ZNF141: variants seen among roughly 807,000 people sequenced by gnomAD.
ZNF141 encodes zinc finger protein 141, also known as zinc finger protein 141 (clone pHZ-44).
In ZNF141, 7 loss-of-function variants were observed where a neutral mutation model predicts 11.3. The observed-to-expected ratio is 0.62, with a 90% CI of 0.35 to 1.16. The LOEUF is 1.16. Ranked by LOEUF, ZNF141 falls within the 50% of genes most tolerant of loss-of-function variation. ZNF141 has a pLI of 0.02. For synonymous variants in ZNF141, 183 were observed against 190.7 expected (o/e 0.96, Z 0.33); for missense variants, 535 against 554.0 (o/e 0.97, Z 0.34).
In ZNF141 at chr4:378,723, G is replaced by A. The variant is rs1056174529; in HGVS notation, c.*4861G>A. ...CTTTGTTTTAGTGGATGCATTTCAT[G>A]GGCTACAGTTTTCATTTTTACTCAC... On this transcript the variant is annotated 3_prime_UTR_variant, in exon 4 of 4. Coordinates refer to ENST00000240499, the MANE Select transcript of ZNF141 (RefSeq NM_003441.4). Among the ~76,000 whole-genome samples, 1 of 151,562 alleles carries A rather than the reference G, an allele frequency of 6.6e-6. No homozygotes were observed. The highest frequency in any genetic ancestry group is 1.5e-5 in the Non-Finnish European group (1 of 67,974).
intron 3 of ZNF141, among the ~76,000 whole-genome samples, chr4:363,378 A>G (rs1237897629): frequency 6.6e-6 from 1 of 152,150 alleles, no homozygotes; most frequent in Non-Finnish European, 1.5e-5. Flanking sequence ...TTTCTCCTGC[A>G]TGATTGCCCT....
chr4:384,115 A>C lies in ZNF141; in HGVS notation c.*10253A>C, dbSNP rs1712801866. On this transcript the variant is annotated 3_prime_UTR_variant, in exon 4 of 4. Transcript: ENST00000240499. The stretch of plus-strand genomic sequence containing the variant: ...GTGGATGCATGTGATTGGTACTTAA[A>C]CTCACACAGTGCCCCATACCACAGG... 6.6e-6 allele frequency: 1 copy of C among 152,152 alleles called. No homozygotes were observed. Among genetic ancestry groups the C allele is most frequent in the South Asian group, 2.1e-4 (1 of 4,824 alleles). The allele number at this position is 152,152 out of a possible 1,614,324, so 9.4% of individuals were successfully genotyped here. A position where few individuals can be genotyped will look rare whatever the true frequency, so the allele number is the denominator to read the frequency against.
At chr4:354,473 C>G (rs974699638) in intron 3 of ZNF141, among the ~76,000 whole-genome samples, 10 of 152,296 alleles carry the variant, frequency 6.6e-5, no homozygotes, top group East Asian at 3.9e-4. Flanking sequence ...ACTCTCCTCC[C>G]TTTTCTTAAA....
At chr4:358,758 A>G (rs572748375) in intron 3 of ZNF141, among the ~76,000 whole-genome samples, 8 of 151,512 alleles carry the variant, frequency 5.3e-5, no homozygotes, top group African/African-American at 1.7e-4. Context: ...TTGTATTTTT[A>G]GTAGAGACGG....
intron 3 of ZNF141, among the ~76,000 whole-genome samples, chr4:363,669 A>G (rs1462463765): frequency 1.3e-5 from 2 of 151,776 alleles, no homozygotes; most frequent in East Asian, 3.9e-4. Flanking sequence ...GAGGCAGGAG[A>G]ATGGCATGAA....
chr4:381,567 G>A lies in ZNF141; in HGVS notation c.*7705G>A, dbSNP rs1235532327. 1.3e-5 allele frequency among the ~76,000 whole-genome samples: 2 copies of A among 151,680 alleles called. No individual in the cohort carries two copies. Among genetic ancestry groups the A allele is most frequent in the African/African-American group, 2.4e-5 (1 of 41,278 alleles). On this transcript the variant is annotated 3_prime_UTR_variant, in exon 4 of 4. Coordinates refer to ENST00000240499, the MANE Select transcript of ZNF141 (RefSeq NM_003441.4). ...GGGACTAACAGGTGCGCCCCACCAC[G>A]CCTGAAAAATTTTTGTATTTTTAGT...
chr4:373,148 C>T lies in ZNF141; in HGVS notation c.711C>T (p.Thr237=), dbSNP rs377035196. Reference sequence around the variant, plus strand: ...GTGAAGAATGTGGCAGCATCTTTACCACATCCTCACACTTTGCTAAGCATA... The same window carrying T: ...GTGAAGAATGTGGCAGCATCTTTACTACATCCTCACACTTTGCTAAGCATA... ...FTCEECGSIF[T]TSSHFAKHKI... is the part of the protein sequence containing the mutation. The change falls in exon 4 of 4, where the codon ACC becomes ACT. Residue 237 remains threonine, a synonymous_variant. Coordinates refer to ENST00000240499, the MANE Select transcript of ZNF141 (RefSeq NM_003441.4). 6.2e-7 allele frequency: 1 copy of T among 1,612,368 alleles called. No homozygotes were observed.
intron 3 of ZNF141, among the ~76,000 whole-genome samples, chr4:371,542 T>TTGTG (rs3037726): frequency 0.071 from 10,286 of 145,418 alleles, 476 homozygotes; most frequent in African/African-American, 0.14. Context: ...TTGTGATAAT[T>TTGTG]TGTGTGTGTG....
chr4:369,766 T>TATA (rs1560196878), intron 3 of ZNF141, among the ~76,000 whole-genome samples: 142 of 32,914 alleles, frequency 4.3e-3, no homozygotes, highest in East Asian at 0.018. Flanking sequence ...ATATATATAT[T>TATA]TTTTTTTTTT....
chr4:383,271 G>C lies in ZNF141; in HGVS notation c.*9409G>C, dbSNP rs574937187. 1.6e-6 allele frequency: 1 copy of C among 633,716 alleles called. No individual in the cohort carries two copies. Among genetic ancestry groups the C allele is most frequent in the Non-Finnish European group, 2.8e-6 (1 of 356,658 alleles). 39.3% of individuals were successfully genotyped at this position (633,716 alleles called of 1,614,324 possible). Reference sequence around the variant, plus strand: ...CAAACTGAGCCCAGAAGAATGGCCCGGCTGAGCCCAGCCTAAATTTCTAAC... The same window carrying C: ...CAAACTGAGCCCAGAAGAATGGCCCCGCTGAGCCCAGCCTAAATTTCTAAC... On this transcript the variant is annotated 3_prime_UTR_variant, in exon 4 of 4. Coordinates refer to ENST00000240499, the MANE Select transcript of ZNF141 (RefSeq NM_003441.4).
rs77498951 is a variant in ZNF141 at position 380,419 on chromosome 4, C to G, written c.*6557C>G. 6.6e-6 allele frequency among the ~76,000 whole-genome samples: 1 copy of G among 151,932 alleles called. No homozygotes were observed. Among genetic ancestry groups the G allele is most frequent in the Non-Finnish European group, 1.5e-5 (1 of 68,004 alleles). On this transcript the variant is annotated 3_prime_UTR_variant, in exon 4 of 4. Coordinates refer to ENST00000240499, the MANE Select transcript of ZNF141 (RefSeq NM_003441.4). ...CTGTAATCCCAGCACTTTGGGCGCCCAAGGCAGGTGGATCATGAGGTCAGG... is the reference window on the plus strand; with the variant it reads ...CTGTAATCCCAGCACTTTGGGCGCCGAAGGCAGGTGGATCATGAGGTCAGG...
rs1553853514 is a variant in ZNF141 at position 371,116 on chromosome 4, ATT to A, written c.227-1546_227-1545del. Among the ~76,000 whole-genome samples the A allele has an allele frequency of 2.7e-4, 37 of 139,504 alleles. No individual in the cohort carries two copies. The South Asian group carries it at 8.3e-3, about 31-fold the overall frequency. The allele number at this position is 139,504 out of a possible 152,430, so 91.5% of individuals were successfully genotyped here. Reference sequence around the variant, plus strand: ...TGTTTTTTATATTTTTAATGTTTTCATTTATATATATATATATATTTTAATTA... The same window carrying A: ...TGTTTTTTATATTTTTAATGTTTTCATATATATATATATATATTTTAATTA... On this transcript the variant is annotated intron_variant, in intron 3 of 3. Coordinates refer to ENST00000240499, the MANE Select transcript of ZNF141 (RefSeq NM_003441.4).
At chr4:365,375 A>G (rs993881313) in intron 3 of ZNF141, among the ~76,000 whole-genome samples, 2 of 152,154 alleles carry the variant, frequency 1.3e-5, no homozygotes, top group South Asian at 2.1e-4. Context: ...GAGATGAACC[A>G]GGTACCTCAG....
rs919202470 is a variant in ZNF141 at position 381,414 on chromosome 4, T to A, written c.*7552T>A. On this transcript the variant is annotated 3_prime_UTR_variant, in exon 4 of 4. Transcript: ENST00000240499. Reference sequence around the variant, plus strand: ...CTTCAAATGTGCTTTTTTTTTTTTTTTTTTTTTTTTTTGAGACGTTGTCTT... The same window carrying A: ...CTTCAAATGTGCTTTTTTTTTTTTTATTTTTTTTTTTTGAGACGTTGTCTT... Among the ~76,000 whole-genome samples the A allele has an allele frequency of 5.7e-5, 8 of 141,496 alleles. No homozygotes were observed. The highest frequency in any genetic ancestry group is 2.8e-4 in the Admixed American group (4 of 14,130). 92.8% of individuals were successfully genotyped at this position (141,496 alleles called of 152,430 possible). A position where few individuals can be genotyped will look rare whatever the true frequency, so the allele number is the denominator to read the frequency against.
chr4:337,822 G>A lies in ZNF141; in HGVS notation c.-162G>A. The A allele has an allele frequency of 1.1e-6, 1 of 876,184 alleles. No homozygotes were observed. Among genetic ancestry groups the A allele is most frequent in the African/African-American group, 1.7e-5 (1 of 58,846 alleles). 54.3% of individuals were successfully genotyped at this position (876,184 alleles called of 1,614,324 possible). ...TCCGGGATGTGGCGCGGGTCTTTGC[G>A]TCTGGCTACTACCAGACCGCGGGTT... is the stretch of plus-strand genomic sequence containing the variant. On this transcript the variant is annotated 5_prime_UTR_variant, in exon 1 of 4. Coordinates refer to ENST00000240499, the MANE Select transcript of ZNF141 (RefSeq NM_003441.4).
intron 3 of ZNF141, among the ~76,000 whole-genome samples, chr4:369,764 A>ATATTTTTTTT: frequency 4.1e-5 from 2 of 48,720 alleles, no homozygotes; most frequent in African/African-American, 1.7e-4. Flanking sequence ...ATATATATAT[A>ATATTTTTTTT]TTTTTTTTTT....
rs180679571 is a variant in ZNF141, at chr4:367,449, A to T, written c.227-5215A>T. Among the ~76,000 whole-genome samples, 876 of 152,206 alleles carry T rather than the reference A, an allele frequency of 5.8e-3. 10 individuals carry two copies. The highest frequency in any genetic ancestry group is 9.5e-3 in the Non-Finnish European group (649 of 67,998). On this transcript the variant is annotated intron_variant, in intron 3 of 3. Transcript: ENST00000240499. ...TTGCGACTTGAAGATAAGTTCAAAA[A>T]CTGTCATATGTCTGTATCTCAGATT...
At chr4:369,764 A>ATGTT in intron 3 of ZNF141, among the ~76,000 whole-genome samples, 3 of 48,724 alleles carry the variant, frequency 6.2e-5, no homozygotes, top group Non-Finnish European at 9.2e-5. Context: ...ATATATATAT[A>ATGTT]TTTTTTTTTT....
At chr4:370,665 TA>T (rs1712010600) in intron 3 of ZNF141, among the ~76,000 whole-genome samples, 1 of 152,222 alleles carries the variant, frequency 6.6e-6, no homozygotes, top group South Asian at 2.1e-4. Flanking sequence ...CTTTGACTTT[TA>T]AAACTTTGCT....
Sources: allele counts gnomAD v4.1 joint callset (sites outside exome capture counted in the v4.1 genomes callset), GRCh38; gene constraint gnomAD v4.1.1; transcripts MANE v1.5; gene names NCBI Gene and HGNC (gene_info 2026-07-23, HGNC 2026-07-21).